MAPK10: variants seen among roughly 807,000 people sequenced by gnomAD.
The protein encoded by MAPK10 is JNK3 alpha protein kinase.
MAPK10 carries 25 observed loss-of-function variants against 59.3 expected under a neutral mutation model. The observed-to-expected ratio is 0.42, with a 90% CI of 0.31 to 0.59. The LOEUF (loss-of-function observed/expected upper bound fraction) is 0.59. Ranked by LOEUF, MAPK10 falls within the 20% of genes least tolerant of loss-of-function variation. MAPK10 has a pLI of 0.15. For synonymous variants in MAPK10, 190 were observed against 200.5 expected, an observed-to-expected ratio of 0.95 and a Z score of 0.44; for missense variants, 351 against 568.9, an observed-to-expected ratio of 0.62 and a Z score of 3.90.
At chr4:86,229,645 A>C (rs902003266) in intron 2 of MAPK10, among the ~76,000 whole-genome samples, 1 of 152,160 alleles carries the variant, frequency 6.6e-6, no homozygotes, top group East Asian at 1.9e-4. Flanking sequence ...CATTGTATGC[A>C]TGATTGAAAA....
Position 86,547,414 on chromosome 4 carries a change from C to T in MAPK10, c.-263+46496G>A, listed in dbSNP as rs375379829. ...CCAGCAGTCGGCCGGCCCCACCGCC[C>T]GGGGCAGTGAGGGGTTTAGCACCTG... On this transcript the variant is annotated intron_variant, in intron 1 of 4. Coordinates refer to the MAPK10 transcript ENST00000502302. Among the ~76,000 whole-genome samples the T allele has an allele frequency of 1.2e-4, 18 of 152,340 alleles. No individual in the cohort carries two copies. The East Asian group carries it at 1.4e-3, about 11-fold the overall frequency.
At chr4:86,499,596 T>C (rs1755148024) in intron 1 of MAPK10, among the ~76,000 whole-genome samples, 1 of 152,154 alleles carries the variant, frequency 6.6e-6, no homozygotes, top group Non-Finnish European at 1.5e-5. Context: ...AGAGGATTTG[T>C]TTTTTGCTTT....
At chr4:86,483,610 A>T (rs1426481688) in intron 1 of MAPK10, among the ~76,000 whole-genome samples, 1 of 152,046 alleles carries the variant, frequency 6.6e-6, no homozygotes, top group African/African-American at 2.4e-5. Flanking sequence ...TTATTAAAAC[A>T]TTGGACAATA....
chr4:86,172,084 G>GA lies in MAPK10; in HGVS notation c.67-12618dup, dbSNP rs1160448960. 2.2e-5 allele frequency among the ~76,000 whole-genome samples: 3 copies of GA among 136,034 alleles called. 1 individual carries two copies. Among genetic ancestry groups the GA allele is most frequent in the African/African-American group, 7.0e-5 (2 of 28,592 alleles). 89.2% of individuals were successfully genotyped at this position (136,034 alleles called of 152,430 possible). A position where few individuals can be genotyped will look rare whatever the true frequency, so the allele number is the denominator to read the frequency against. ...AAAAGTCAGGAAACAACAGGTGCTGGAGAGGATGTGCAGAAATAGGAACAC... is the reference window on the plus strand; with the variant it reads ...AAAAGTCAGGAAACAACAGGTGCTGGAAGAGGATGTGCAGAAATAGGAACAC... On this transcript the variant is annotated intron_variant, in intron 3 of 13. Coordinates refer to ENST00000641462, the MANE Select transcript of MAPK10 (RefSeq NM_138982.4).
intron 1 of MAPK10, among the ~76,000 whole-genome samples, chr4:86,449,172 C>T (rs1360241634): frequency 6.6e-6 from 1 of 152,086 alleles, no homozygotes; most frequent in Non-Finnish European, 1.5e-5. Flanking sequence ...GGTTGGGGAC[C>T]CGTGTTCTAA....
In MAPK10 at chr4:86,494,371, T is replaced by C. The variant is rs531984311; in HGVS notation, c.-263+99539A>G. 9.9e-5 allele frequency among the ~76,000 whole-genome samples: 15 copies of C among 152,252 alleles called. No homozygotes were observed. The South Asian group carries it at 3.1e-3, about 32-fold the overall frequency. ...GTAAACAATGCAACACTCAGCCTCCTTGGAACAGGAGGGGACTGGCGTTCC... is the reference window on the plus strand; with the variant it reads ...GTAAACAATGCAACACTCAGCCTCCCTGGAACAGGAGGGGACTGGCGTTCC... On this transcript the variant is annotated intron_variant, in intron 1 of 4. Coordinates refer to the MAPK10 transcript ENST00000502302.
Position 86,057,639 on chromosome 4 carries a change from C to G in MAPK10, c.1110+6627G>C, listed in dbSNP as rs140325087. ...TGTTTAAAAATTCAATGCTGAATCACTATCATCTAGGTCAGTGTGGAACAC... is the reference window on the plus strand; with the variant it reads ...TGTTTAAAAATTCAATGCTGAATCAGTATCATCTAGGTCAGTGTGGAACAC... On this transcript the variant is annotated intron_variant, in intron 11 of 13. Coordinates refer to ENST00000641462, the MANE Select transcript of MAPK10 (RefSeq NM_138982.4). Among the ~76,000 whole-genome samples, 4 of 149,484 alleles carry G rather than the reference C, an allele frequency of 2.7e-5. 1 individual carries two copies. Among genetic ancestry groups the G allele is most frequent in the African/African-American group, 1.0e-4 (4 of 39,834 alleles).
chr4:86,156,533 T>C (rs958469031), intron 4 of MAPK10, among the ~76,000 whole-genome samples: 1 of 152,000 alleles, frequency 6.6e-6, no homozygotes, highest in African/African-American at 2.4e-5. Context: ...ATCAGCTCTT[T>C]TCAGTTAAAG....
At chr4:86,146,135 A>C (rs1052200641) in intron 4 of MAPK10, among the ~76,000 whole-genome samples, 2 of 152,218 alleles carry the variant, frequency 1.3e-5, no homozygotes, top group African/African-American at 4.8e-5. Flanking sequence ...GAGTGCATAG[A>C]AATGGATTCC....
intron 3 of MAPK10, among the ~76,000 whole-genome samples, chr4:86,183,245 C>T (rs1046733859): frequency 4.0e-5 from 6 of 151,676 alleles, no homozygotes; most frequent in Admixed American, 6.6e-5. Context: ...CTCAGTAACT[C>T]GTCATTTAAC....
chr4:86,569,281 T>C (rs957995633), intron 1 of MAPK10, among the ~76,000 whole-genome samples: 3 of 152,098 alleles, frequency 2.0e-5, no homozygotes, highest in Non-Finnish European at 4.4e-5. Flanking sequence ...ATGACTATTA[T>C]TAAAAAGTCA....
In MAPK10 at chr4:86,258,525, C is replaced by T. The variant is rs574384036; in HGVS notation, c.-6-64118G>A. Reference sequence around the variant, plus strand: ...CCACATTGTTTTTTCCTTTTCCTTTCACAATTACACTGGTAGAAAGAATAG... The same window carrying T: ...CCACATTGTTTTTTCCTTTTCCTTTTACAATTACACTGGTAGAAAGAATAG... On this transcript the variant is annotated intron_variant, in intron 2 of 13. Coordinates refer to ENST00000641462, the MANE Select transcript of MAPK10 (RefSeq NM_138982.4). Among the ~76,000 whole-genome samples the T allele has an allele frequency of 1.4e-4, 22 of 152,234 alleles. 1 individual carries two copies. The South Asian group carries it at 1.5e-3, about 10-fold the overall frequency.
intron 2 of MAPK10, among the ~76,000 whole-genome samples, chr4:86,313,457 T>G (rs1354176552): frequency 2.6e-5 from 4 of 152,144 alleles, no homozygotes; most frequent in Non-Finnish European, 5.9e-5. Flanking sequence ...AGACCAGACA[T>G]GGAAAGATGT....
intron 6 of MAPK10, chr4:86,102,321 A>C: frequency 3.6e-6 from 1 of 280,604 alleles, no homozygotes; most frequent in Non-Finnish European, 6.7e-6. Context: ...TTTTGTGAAT[A>C]TTATAATTTC....
chr4:86,058,686 G>C (rs2045124762), intron 11 of MAPK10, among the ~76,000 whole-genome samples: 1 of 143,568 alleles, frequency 7.0e-6, no homozygotes, highest in Non-Finnish European at 1.5e-5. Context: ...TGCAATATGA[G>C]AACATCCTTA....
intron 4 of MAPK10, among the ~76,000 whole-genome samples, chr4:86,114,987 CCT>C (rs886849508): frequency 2.6e-5 from 4 of 152,256 alleles, no homozygotes; most frequent in Non-Finnish European, 5.9e-5. Flanking sequence ...ATGGGAAATT[CCT>C]CTCAGTTCAA....
intron 1 of MAPK10, among the ~76,000 whole-genome samples, chr4:86,422,353 A>C (rs1228546992): frequency 6.6e-6 from 1 of 152,216 alleles, no homozygotes; most frequent in Non-Finnish European, 1.5e-5. Flanking sequence ...TTTTTAAGGA[A>C]GATAAAAAGA....
chr4:86,455,883 T>A (rs1751183402), upstream of MAPK10, among the ~76,000 whole-genome samples: 2 of 152,140 alleles, frequency 1.3e-5, no homozygotes, highest in Non-Finnish European at 2.9e-5. Context: ...TGGAACTTTC[T>A]CCAAGATAGA....
chr4:86,420,690 G>A (rs1463260649), intron 1 of MAPK10, among the ~76,000 whole-genome samples: 1 of 152,218 alleles, frequency 6.6e-6, no homozygotes, highest in Non-Finnish European at 1.5e-5. Context: ...TCAGGGGGCT[G>A]AGGTGGGAGG....
Sources: allele counts gnomAD v4.1 joint callset (sites outside exome capture counted in the v4.1 genomes callset), GRCh38; gene constraint gnomAD v4.1.1; transcripts MANE v1.5; gene names NCBI Gene and HGNC (gene_info 2026-07-23, HGNC 2026-07-21).